Variants in PLIN1 observed in about 807,000 individuals in gnomAD.
PLIN1 encodes perilipin 1.
Under a neutral mutation model 45.8 loss-of-function variants are expected in PLIN1, and 37 were observed. That is an observed-to-expected ratio of 0.81 (90% confidence interval 0.62 to 1.06). The LOEUF is 1.06. PLIN1 is among the 50% of genes least tolerant of loss of function. The probability of loss-of-function intolerance (pLI) is 0.00; values close to 1 mark genes in which losing one functional copy is unlikely to be tolerated. For missense variants in PLIN1, 776 were observed against 716.5 expected, an observed-to-expected ratio of 1.08 and a Z score of -0.95; for synonymous variants, 340 against 309.2, an observed-to-expected ratio of 1.10 and a Z score of -1.05.
In PLIN1 at chr15:89,664,552, T is replaced by C. The variant is rs1291448423; in HGVS notation, c.*1031A>G. On this transcript the variant is annotated 3_prime_UTR_variant, in exon 9 of 9. Transcript: ENST00000300055. ...ATTTATAATGTGATACAAAAATCTC[T>C]CCAAGCTGTATTATTAAGTGAAAAA... 1 of 207,840 alleles carries C rather than the reference T, an allele frequency of 4.8e-6. No individual in the cohort carries two copies. The highest frequency in any genetic ancestry group is 2.3e-5 in the African/African-American group (1 of 42,900). 12.9% of individuals were successfully genotyped at this position (207,840 alleles called of 1,614,324 possible). A position where few individuals can be genotyped will look rare whatever the true frequency, so the allele number is the denominator to read the frequency against.
At chr15:89,669,738 A>G (rs892195658) in intron 5 of PLIN1, 66 bp from the exon 6 acceptor site, 4 of 1,364,992 alleles carry the variant, frequency 2.9e-6, no homozygotes, top group African/African-American at 1.5e-5. Context: ...GATCTGGGTC[A>G]TGTCTAGGAC....
chr15:89,676,393 G>A lies in PLIN1; in HGVS notation c.45+1052C>T, dbSNP rs188480080. On this transcript the variant is annotated intron_variant, in intron 2 of 8. Transcript: ENST00000300055. Reference sequence around the variant, plus strand: ...CTCCCAAGTAGCTGGGACTACAGGCGCCCGCCACCATACCCCGCTGATTTT... The same window carrying A: ...CTCCCAAGTAGCTGGGACTACAGGCACCCGCCACCATACCCCGCTGATTTT... Among the ~76,000 whole-genome samples the A allele has an allele frequency of 5.5e-3, 838 of 152,152 alleles. 9 individuals carry two copies. The highest frequency in any genetic ancestry group is 0.019 in the African/African-American group (792 of 41,506).
chr15:89,667,113 C>T lies in PLIN1; in HGVS notation c.1032G>A (p.Gln344=). 6.2e-7 allele frequency: 1 copy of T among 1,614,074 alleles called. No homozygotes were observed. Among genetic ancestry groups the T allele is most frequent in the East Asian group, 2.2e-5 (1 of 44,876 alleles). Residue 344 remains glutamine, a synonymous_variant, in exon 8 of 9, where the codon CAG becomes CAA. Coordinates refer to ENST00000300055, the MANE Select transcript of PLIN1 (RefSeq NM_002666.5). ...GVAHTLQKTL[Q]TTISAVTWAP... is the part of the protein sequence containing the mutation. The stretch of plus-strand genomic sequence containing the variant: ...CCCATGTCACAGCCGAGATGGTGGT[C>T]TGGAGGGTCTTCTGCAGGGTATGTG...
chr15:89,666,023 C>T (rs1429309518), intron 8 of PLIN1, 81 bp from the exon 9 acceptor site: 1 of 1,111,240 alleles, frequency 9.0e-7, no homozygotes, highest in Non-Finnish European at 1.2e-6. Context: ...TCCCGGGCCC[C>T]TCGATTGTTC....
At chr15:89,676,299 G>C (rs746350466) in intron 2 of PLIN1, among the ~76,000 whole-genome samples, 7 of 152,162 alleles carry the variant, frequency 4.6e-5, no homozygotes, top group South Asian at 2.1e-4. Context: ...CCAGGCTGGA[G>C]TGCAGTGGCG....
At position 89,666,998 on chromosome 15, in the gene PLIN1, G is replaced by A. The variant is rs1181589970; in HGVS notation, c.1147C>T (p.Leu383=). 1 of 1,613,998 alleles carries A rather than the reference G, an allele frequency of 6.2e-7. No homozygotes were observed. The highest frequency in any genetic ancestry group is 8.5e-7 in the Non-Finnish European group (1 of 1,179,982). ...VSSTKGRAMS[L]SDALKGVTDN... ...GTAACGCCCTTCAGGGCATCTGATA[G>A]GGACATGGCCCTCCCCTTGGTTGAG... The change falls in exon 8 of 9, where the codon CTA becomes TTA. Residue 383 remains leucine (L), a synonymous_variant. Transcript: ENST00000300055.
At chr15:89,676,715 T>A (rs4411483) in intron 2 of PLIN1, 74,405 of 152,094 alleles carry the variant, frequency 0.49, 20,569 homozygotes, top group Non-Finnish European at 0.63. Context: ...AACCACCGTC[T>A]GTTAGAATGG....
Position 89,667,050 on chromosome 15 carries a change from C to T in PLIN1, c.1095G>A (p.Leu365=), listed in dbSNP as rs1398597495. The T allele has an allele frequency of 7.4e-6, 12 of 1,614,078 alleles. No homozygotes were observed. The highest frequency in any genetic ancestry group is 1.1e-5 in the South Asian group (1 of 91,086). ...AGACAGCAGGGGCTGGTGTGAGGTG[C>T]AGCACCCTCCCTGCCATGCCCAGCA... ...AAVLGMAGRV[L]HLTPAPAVSS... is the part of the protein sequence containing the mutation. The change falls in exon 8 of 9, where the codon CTG becomes CTA. Residue 365 remains leucine (L), a synonymous_variant. Transcript: ENST00000300055.
intron 8 of PLIN1, 65 bp from the exon 9 acceptor site, chr15:89,666,007 G>A: frequency 8.2e-7 from 1 of 1,225,014 alleles, no homozygotes; most frequent in Non-Finnish European, 1.1e-6. Context: ...CTGACCCACC[G>A]CCCCTTCCCG....
rs553537355 is a variant in PLIN1, at chr15:89,674,936, CA to C, written c.46-1523del. Among the ~76,000 whole-genome samples, 884 of 150,272 alleles carry C rather than the reference CA, an allele frequency of 5.9e-3. 5 individuals are homozygous for C. Among genetic ancestry groups the C allele is most frequent in the South Asian group, 0.03 (143 of 4,770 alleles). ...GCAACACAGGGAGACCCCGTCTCTA[CA>C]AAAAAAAATAATAAATAATAATAAC... On this transcript the variant is annotated intron_variant, in intron 2 of 8. Coordinates refer to ENST00000300055, the MANE Select transcript of PLIN1 (RefSeq NM_002666.5).
chr15:89,667,451 C>T (rs1038112304), intron 7 of PLIN1, 151 bp downstream of exon 7: 6 of 1,250,578 alleles, frequency 4.8e-6, no homozygotes, highest in Non-Finnish European at 5.8e-6. Flanking sequence ...AAGTCCCTCG[C>T]CAGCTGGGCA....
At chr15:89,666,095 CG>C (rs945918841) in intron 8 of PLIN1, among the ~76,000 whole-genome samples, 153 bp from the exon 9 acceptor site, 1 of 152,170 alleles carries the variant, frequency 6.6e-6, no homozygotes, top group African/African-American at 2.4e-5. Context: ...TGGGGGGCAC[CG>C]GGGAAAGCCC....
chr15:89,667,931 A>C, intron 6 of PLIN1, 138 bp from the exon 7 acceptor site: 1 of 1,227,314 alleles, frequency 8.1e-7, no homozygotes, highest in Admixed American at 3.2e-5. Context: ...TTTTCTGGAA[A>C]CTTTTTATTG....
intron 4 of PLIN1, 85 bp from the exon 5 acceptor site, chr15:89,670,329 C>T: frequency 1.4e-6 from 2 of 1,434,456 alleles, no homozygotes; most frequent in Non-Finnish European, 1.9e-6. Context: ...GGCCTGAGCC[C>T]AGCTCCCAGG....
Position 89,664,667 on chromosome 15 carries a change from A to G in PLIN1, c.*916T>C, listed in dbSNP as rs1026630495. 2 of 368,290 alleles carry G rather than the reference A, an allele frequency of 5.4e-6. No homozygotes were observed. Among genetic ancestry groups the G allele is most frequent in the African/African-American group, 4.2e-5 (2 of 47,160 alleles). The allele number at this position is 368,290 out of a possible 1,614,324, so 22.8% of individuals were successfully genotyped here. ...TGCAGGTGCATAGCCCTGCATACAC[A>G]AGAGATGGCACCGTGGTGGTTTTCA... On this transcript the variant is annotated 3_prime_UTR_variant, in exon 9 of 9. Transcript: ENST00000300055.
chr15:89,671,701 G>T, intron 3 of PLIN1, 137 bp from the exon 4 acceptor site: 1 of 738,324 alleles, frequency 1.4e-6, no homozygotes, highest in Non-Finnish European at 2.5e-6. Context: ...TGGGCCCCAG[G>T]CCCTTTGCCC....
chr15:89,678,870 G>A (rs1485437580), intron 1 of PLIN1, among the ~76,000 whole-genome samples: 9 of 152,058 alleles, frequency 5.9e-5, no homozygotes. Context: ...TTTTGAGACA[G>A]GGTCTCAATC....
At chr15:89,673,013 T>C (rs1452031614) in intron 3 of PLIN1, among the ~76,000 whole-genome samples, 197 bp downstream of exon 3, 2 of 152,248 alleles carry the variant, frequency 1.3e-5, no homozygotes, top group African/African-American at 4.8e-5. Context: ...GGGCCATAGA[T>C]AGGCATCTAT....
intron 6 of PLIN1, 148 bp downstream of exon 6, chr15:89,669,352 A>C (rs984573862): frequency 2.8e-5 from 21 of 749,366 alleles, no homozygotes; most frequent in Middle Eastern, 7.4e-4. Context: ...ACCCCTCTCA[A>C]GTCCTCTTAG....
Sources: allele counts gnomAD v4.1 joint callset (sites outside exome capture counted in the v4.1 genomes callset), GRCh38; gene constraint gnomAD v4.1.1; transcripts MANE v1.5; gene names NCBI Gene and HGNC (gene_info 2026-07-23, HGNC 2026-07-21).